Variants in ADAMTSL1 observed in about 807,000 individuals in gnomAD.
The protein encoded by ADAMTSL1 is ADAMTS-like protein 1.
In ADAMTSL1, 126 loss-of-function variants were observed where a neutral mutation model predicts 201.8. The ratio of observed to expected loss-of-function variants is 0.62; its 90% CI spans 0.54 to 0.72. The LOEUF (loss-of-function observed/expected upper bound fraction) is 0.72. ADAMTSL1 is among the 30% of genes least tolerant of loss of function. The probability of loss-of-function intolerance (pLI) is 0.00; values close to 1 mark genes in which losing one functional copy is unlikely to be tolerated. For missense variants in ADAMTSL1, 2,679 were observed against 2,277.8 expected (o/e 1.18, Z -3.59); for synonymous variants, 1,121 against 903.4 (o/e 1.24, Z -4.32).
At chr9:18,681,781 G>A (rs1279097408) in intron 11 of ADAMTSL1, 31 bp from the exon 12 acceptor site, 12 of 1,522,178 alleles carry the variant, frequency 7.9e-6, no homozygotes, top group East Asian at 2.4e-5. Flanking sequence ...CTTTGCCTAC[G>A]AGTCTCCTCT....
intron 2 of ADAMTSL1, among the ~76,000 whole-genome samples, chr9:18,443,032 A>G (rs541689165): frequency 1.1e-3 from 170 of 152,214 alleles, no homozygotes; most frequent in African/African-American, 3.8e-3. Flanking sequence ...TGTGCTTGCA[A>G]TTTCTAGCTT....
At chr9:18,812,968 T>C (rs1354571602) in intron 20 of ADAMTSL1, among the ~76,000 whole-genome samples, 2 of 38,668 alleles carry the variant, frequency 5.2e-5, no homozygotes, top group African/African-American at 5.2e-4. Flanking sequence ...AGCTATGTAC[T>C]TTTTTTTTTT....
chr9:18,579,622 G>A (rs1489909751), intron 4 of ADAMTSL1, among the ~76,000 whole-genome samples: 1 of 152,110 alleles, frequency 6.6e-6, no homozygotes, highest in Admixed American at 6.6e-5. Context: ...CTGAGTACAT[G>A]ATTTAATATG....
At chr9:18,309,452 C>T (rs1164688957) in intron 2 of ADAMTSL1, among the ~76,000 whole-genome samples, 1 of 152,040 alleles carries the variant, frequency 6.6e-6, no homozygotes. Flanking sequence ...CATCTCAGCC[C>T]AAAATTTCTT....
At chr9:17,952,513 A>G (rs148893557) in intron 1 of ADAMTSL1, among the ~76,000 whole-genome samples, 31 of 152,206 alleles carry the variant, frequency 2.0e-4, no homozygotes, top group African/African-American at 7.5e-4. Context: ...GTTCTCATAC[A>G]AGTAGAGAAT....
chr9:18,657,152 G>A (rs1200980760), intron 7 of ADAMTSL1, among the ~76,000 whole-genome samples: 2 of 152,344 alleles, frequency 1.3e-5, no homozygotes, highest in South Asian at 2.1e-4. Context: ...AAATGGACAA[G>A]AAGCCCAATA....
At chr9:18,216,334 A>C (rs1454253858) in intron 2 of ADAMTSL1, among the ~76,000 whole-genome samples, 4 of 152,202 alleles carry the variant, frequency 2.6e-5, no homozygotes, top group Middle Eastern at 3.2e-3. Context: ...AGTATTTCAT[A>C]ATAAGCAATT....
intron 1 of ADAMTSL1, among the ~76,000 whole-genome samples, chr9:17,945,296 C>T (rs1827413386): frequency 7.1e-5 from 8 of 113,344 alleles, no homozygotes; most frequent in East Asian, 2.4e-4. Flanking sequence ...GAATGGCAAT[C>T]ATTAAAAAGT....
chr9:18,185,378 T>TC (rs1828689071), intron 2 of ADAMTSL1, among the ~76,000 whole-genome samples: 1 of 152,080 alleles, frequency 6.6e-6, no homozygotes, highest in Non-Finnish European at 1.5e-5. Context: ...AGTAAACACT[T>TC]CCCCTGATGA....
At chr9:18,837,870 A>G (rs778002464) in intron 23 of ADAMTSL1, among the ~76,000 whole-genome samples, 8 of 152,172 alleles carry the variant, frequency 5.3e-5, no homozygotes, top group Non-Finnish European at 2.9e-5. Context: ...ATTATTGGAA[A>G]GGACACCAAG....
chr9:17,981,682 A>C (rs1341875388), intron 1 of ADAMTSL1, among the ~76,000 whole-genome samples: 1 of 152,172 alleles, frequency 6.6e-6, no homozygotes, highest in African/African-American at 2.4e-5. Context: ...TTTTTGGCCC[A>C]CTGAAGCTGC....
chr9:18,265,931 C>T (rs1034368241), intron 2 of ADAMTSL1, among the ~76,000 whole-genome samples: 4 of 152,132 alleles, frequency 2.6e-5, no homozygotes, highest in Non-Finnish European at 5.9e-5. Context: ...TTAGACCTGG[C>T]TCCTGCCAAC....
At chr9:18,653,800 A>T (rs1317336582) in intron 7 of ADAMTSL1, among the ~76,000 whole-genome samples, 1 of 152,242 alleles carries the variant, frequency 6.6e-6, no homozygotes, top group African/African-American at 2.4e-5. Flanking sequence ...TAGCATTTCC[A>T]ACTGTTAAAA....
intron 20 of ADAMTSL1, among the ~76,000 whole-genome samples, chr9:18,815,669 C>G (rs934071910): frequency 7.2e-6 from 1 of 139,536 alleles, no homozygotes. Flanking sequence ...CATCACACCA[C>G]TGCCCTCCAG....
intron 1 of ADAMTSL1, 150 bp from the exon 2 acceptor site, chr9:18,504,679 A>T: frequency 8.8e-7 from 1 of 1,137,312 alleles, no homozygotes. Flanking sequence ...AGGCATTATG[A>T]AATGGAAAAG....
intron 1 of ADAMTSL1, among the ~76,000 whole-genome samples, chr9:18,064,662 A>G (rs1822613334): frequency 6.9e-6 from 1 of 144,086 alleles, no homozygotes; most frequent in African/African-American, 2.8e-5. Flanking sequence ...TTGATGAAAG[A>G]ATGATTACAT....
At chr9:17,980,906 C>G (rs1818663903) in intron 1 of ADAMTSL1, among the ~76,000 whole-genome samples, 1 of 152,004 alleles carries the variant, frequency 6.6e-6, no homozygotes, top group African/African-American at 2.4e-5. Context: ...TGAAGGGAAG[C>G]CAGTGTGTAG....
At chr9:18,258,902 T>C (rs1831802670) in intron 2 of ADAMTSL1, among the ~76,000 whole-genome samples, 1 of 152,220 alleles carries the variant, frequency 6.6e-6, no homozygotes, top group Non-Finnish European at 1.5e-5. Flanking sequence ...TGCTTCTGCG[T>C]AGGTCAGCAA....
At chr9:18,884,587 A>T (rs1234380256) in intron 23 of ADAMTSL1, among the ~76,000 whole-genome samples, 1 of 152,062 alleles carries the variant, frequency 6.6e-6, no homozygotes, top group African/African-American at 2.4e-5. Flanking sequence ...GTTAATTTTT[A>T]TATATAGTGT....
Sources: gnomAD v4.1 joint callset for allele counts (sites outside exome capture counted in the v4.1 genomes callset) on GRCh38, gnomAD v4.1.1 for gene constraint, MANE v1.5 for transcripts, NCBI Gene and HGNC (gene_info 2026-07-23, HGNC 2026-07-21) for gene names.